The following GLCE variants were observed in gnomAD, a reference collection of about 807,000 sequenced individuals.
GLCE encodes glucuronic acid epimerase, also known as D-glucuronyl C5-epimerase.
In GLCE, 19 loss-of-function variants were observed where a neutral mutation model predicts 47.9. That is an observed-to-expected ratio of 0.40 (90% confidence interval 0.28 to 0.58). The LOEUF (loss-of-function observed/expected upper bound fraction) is 0.58. Among genes scored for constraint, GLCE ranks in the 20% least tolerant of loss-of-function variants. The pLI is 0.48. For synonymous variants in GLCE, 245 were observed against 263.4 expected (o/e 0.93, Z 0.68); for missense variants, 556 against 743.3 (o/e 0.75, Z 2.93).
Position 69,269,227 on chromosome 15 carries a change from A to C in GLCE, c.1837A>C (p.Arg613=). 1.2e-6 allele frequency: 2 copies of C among 1,613,936 alleles called. No individual in the cohort carries two copies. Among genetic ancestry groups the C allele is most frequent in the Non-Finnish European group, 1.7e-6 (2 of 1,179,820 alleles). Residue 613 remains arginine (R), a synonymous_variant, in exon 5 of 5, where the codon AGG becomes CGG. Coordinates refer to ENST00000261858, the MANE Select transcript of GLCE (RefSeq NM_015554.3). The stretch of plus-strand genomic sequence containing the variant: ...GTGGAAAAGCTACCTTAAAGGCAGC[A>C]GGGCAAAGCACAACTAGAGCTCACA... ...KRWKSYLKGS[R]AKHN is the part of the protein sequence containing the mutation.
chr15:69,228,728 G>A (rs1362493338), intron 2 of GLCE, among the ~76,000 whole-genome samples: 1 of 152,102 alleles, frequency 6.6e-6, no homozygotes, highest in Non-Finnish European at 1.5e-5. Flanking sequence ...GTCTTGCTGT[G>A]TTACCCTGGC....
At chr15:69,174,565 G>A (rs59258028) in intron 1 of GLCE, among the ~76,000 whole-genome samples, 5,865 of 152,166 alleles carry the variant, frequency 0.039, 351 homozygotes, top group African/African-American at 0.13. Context: ...CGCTGAGATC[G>A]CACCAGTGTA....
At chr15:69,206,457 G>A (rs2052153719) in intron 1 of GLCE, among the ~76,000 whole-genome samples, 1 of 151,992 alleles carries the variant, frequency 6.6e-6, no homozygotes, top group African/African-American at 2.4e-5. Context: ...CTTATGGATA[G>A]GGTATATCTA....
rs910719614 is a variant in GLCE, at chr15:69,269,838, C to T, written c.*594C>T. On this transcript the variant is annotated 3_prime_UTR_variant, in exon 5 of 5. Coordinates refer to ENST00000261858, the MANE Select transcript of GLCE (RefSeq NM_015554.3). ...ATATTTAATTATGGTTTTCTTGAAA[C>T]GTGTAAATTAAAAACACAATCAGTG... 1.3e-5 allele frequency: 2 copies of T among 152,460 alleles called. No homozygotes were observed. The highest frequency in any genetic ancestry group is 2.4e-5 in the African/African-American group (1 of 41,386). 9.4% of individuals were successfully genotyped at this position (152,460 alleles called of 1,614,324 possible). A position where few individuals can be genotyped will look rare whatever the true frequency, so the allele number is the denominator to read the frequency against.
intron 1 of GLCE, among the ~76,000 whole-genome samples, chr15:69,201,467 TC>T (rs1206328679): frequency 6.6e-6 from 1 of 151,836 alleles, no homozygotes; most frequent in Non-Finnish European, 1.5e-5. Context: ...CCCTTGCCTA[TC>T]TAGCAGTATA....
intron 4 of GLCE, 80 bp downstream of exon 4, chr15:69,261,409 T>A: frequency 7.2e-7 from 1 of 1,388,290 alleles, no homozygotes. Flanking sequence ...TTTAATATGG[T>A]TTAAAAAAAC....
chr15:69,172,568 C>T (rs1380754171), intron 1 of GLCE, among the ~76,000 whole-genome samples: 1 of 150,916 alleles, frequency 6.6e-6, no homozygotes, highest in Non-Finnish European at 1.5e-5. Flanking sequence ...GAAAGGGTCC[C>T]TCAAGGTTAT....
intron 2 of GLCE, among the ~76,000 whole-genome samples, chr15:69,217,856 A>G (rs2052326568): frequency 6.6e-6 from 1 of 152,210 alleles, no homozygotes; most frequent in African/African-American, 2.4e-5. Context: ...AACAAAATTT[A>G]TTCAAAGGAA....
chr15:69,232,083 C>A (rs1377823275), intron 2 of GLCE, among the ~76,000 whole-genome samples: 1 of 152,162 alleles, frequency 6.6e-6, no homozygotes, highest in African/African-American at 2.4e-5. Flanking sequence ...AAGCCACCAC[C>A]CCGGCCTCAG....
intron 2 of GLCE, among the ~76,000 whole-genome samples, chr15:69,226,776 C>G (rs1320865215): frequency 1.1e-4 from 11 of 103,016 alleles, no homozygotes; most frequent in Non-Finnish European, 1.8e-5. Flanking sequence ...CCTAATCTTG[C>G]TCTTGTCACC....
chr15:69,265,300 C>T (rs1218557198), intron 4 of GLCE, among the ~76,000 whole-genome samples: 1 of 152,142 alleles, frequency 6.6e-6, no homozygotes, highest in African/African-American at 2.4e-5. Context: ...GAGGAATCTT[C>T]AGATAGCCTA....
intron 1 of GLCE, among the ~76,000 whole-genome samples, chr15:69,183,156 GATA>G (rs1217085261): frequency 2.0e-5 from 3 of 152,268 alleles, no homozygotes; most frequent in South Asian, 2.1e-4. Flanking sequence ...CTTCCTTTCT[GATA>G]ATAAGAAACT....
intron 1 of GLCE, among the ~76,000 whole-genome samples, chr15:69,168,333 C>G (rs1181629838): frequency 1.3e-5 from 2 of 151,972 alleles, no homozygotes; most frequent in African/African-American, 4.8e-5. Flanking sequence ...GGATTTTTAC[C>G]CATTTTAGTC....
chr15:69,239,581 A>G (rs1233797147), intron 2 of GLCE, among the ~76,000 whole-genome samples: 1 of 152,182 alleles, frequency 6.6e-6, no homozygotes, highest in Non-Finnish European at 1.5e-5. Context: ...TGAAATGACT[A>G]TAAATATATC....
chr15:69,261,421 C>A, intron 4 of GLCE, 92 bp downstream of exon 4: 1 of 1,194,032 alleles, frequency 8.4e-7, no homozygotes, highest in Non-Finnish European at 1.2e-6. Context: ...TAAAAAAACA[C>A]ATAAGCAGAC....
At chr15:69,244,585 G>A in intron 2 of GLCE, among the ~76,000 whole-genome samples, 1 of 152,104 alleles carries the variant, frequency 6.6e-6, no homozygotes, top group Non-Finnish European at 1.5e-5. Flanking sequence ...AAGATACCCT[G>A]TGACATATCA....
chr15:69,251,650 A>G (rs1164464129), intron 2 of GLCE, among the ~76,000 whole-genome samples: 3 of 152,092 alleles, frequency 2.0e-5, no homozygotes, highest in Non-Finnish European at 2.9e-5. Flanking sequence ...AATTTTTTTC[A>G]CTCAGTTGCC....
rs149679958 is a variant in GLCE at position 69,222,513 on chromosome 15, A to G, written c.-14+12107A>G. On this transcript the variant is annotated intron_variant, in intron 2 of 4. Coordinates refer to ENST00000261858, the MANE Select transcript of GLCE (RefSeq NM_015554.3). Reference sequence around the variant, plus strand: ...TCTCTCCAGGTCTGGCAGCTTATACAGGTCAGAGCCACCCCTTCCTAAGGA... The same window carrying G: ...TCTCTCCAGGTCTGGCAGCTTATACGGGTCAGAGCCACCCCTTCCTAAGGA... Among the ~76,000 whole-genome samples the G allele has an allele frequency of 2.1e-3, 324 of 152,340 alleles. 3 individuals carry two copies. Among genetic ancestry groups the G allele is most frequent in the African/African-American group, 7.6e-3 (316 of 41,590 alleles).
At chr15:69,200,426 AC>A (rs2052061855) in intron 1 of GLCE, among the ~76,000 whole-genome samples, 2 of 152,188 alleles carry the variant, frequency 1.3e-5, no homozygotes, top group African/African-American at 4.8e-5. Flanking sequence ...GCAGTTTGTT[AC>A]AACTATTCTG....
Sources: gnomAD v4.1 joint callset for allele counts (sites outside exome capture counted in the v4.1 genomes callset) on GRCh38, gnomAD v4.1.1 for gene constraint, MANE v1.5 for transcripts, NCBI Gene and HGNC (gene_info 2026-07-23, HGNC 2026-07-21) for gene names.